Variants in SUCLA2 observed in about 807,000 individuals in gnomAD.
SUCLA2 encodes succinate--CoA ligase [ADP-forming] subunit beta, mitochondrial.
In SUCLA2, 30 loss-of-function variants were observed where a neutral mutation model predicts 54.8. That is an observed-to-expected ratio of 0.55 (90% CI 0.41 to 0.74). SUCLA2 has a LOEUF of 0.74. Among genes scored for constraint, SUCLA2 ranks in the 30% least tolerant of loss-of-function variants. The pLI is 0.00. For synonymous variants in SUCLA2, 172 were observed against 188.9 expected, an observed-to-expected ratio of 0.91 and a Z score of 0.74; for missense variants, 476 against 562.9, an observed-to-expected ratio of 0.85 and a Z score of 1.56.
intron 4 of SUCLA2, among the ~76,000 whole-genome samples, chr13:47,980,919 C>A (rs1487167008): frequency 2.0e-5 from 3 of 152,064 alleles, no homozygotes; most frequent in African/African-American, 7.2e-5. Flanking sequence ...TAGACCCTTA[C>A]CAATACTACT....
chr13:48,001,001 C>T, intron 1 of SUCLA2, 179 bp downstream of exon 1: 1 of 1,453,416 alleles, frequency 6.9e-7, no homozygotes, highest in Non-Finnish European at 9.1e-7. Context: ...GCCGCGCAAA[C>T]ATGGGCTCGC....
intron 5 of SUCLA2, among the ~76,000 whole-genome samples, chr13:47,969,736 T>G (rs1949947465): frequency 6.6e-6 from 1 of 152,316 alleles, no homozygotes; most frequent in East Asian, 1.9e-4. Context: ...TAACAAAAAA[T>G]CTTAAATTCT....
chr13:47,962,960 A>G (rs536305664), intron 6 of SUCLA2, among the ~76,000 whole-genome samples: 1 of 152,214 alleles, frequency 6.6e-6, no homozygotes, highest in African/African-American at 2.4e-5. Flanking sequence ...GACTCTTACC[A>G]CGTATTCATC....
In SUCLA2 at chr13:47,983,632, G is replaced by C. The variant is rs1306176749; in HGVS notation, c.534+4909C>G. On this transcript the variant is annotated intron_variant, in intron 4 of 10. Coordinates refer to ENST00000646932, the MANE Select transcript of SUCLA2 (RefSeq NM_003850.3). ...AGCCTCCGGAGTAGCTGGGACTACA[G>C]GCGCCTGCCGCCACGCCTGGCTAAT... Among the ~76,000 whole-genome samples, 3 of 152,160 alleles carry C rather than the reference G, an allele frequency of 2.0e-5. No homozygotes were observed. In the East Asian group the frequency reaches 5.8e-4, roughly 29 times the overall value.
At chr13:47,946,209 T>C (rs796251486) in intron 10 of SUCLA2, among the ~76,000 whole-genome samples, 6 of 152,360 alleles carry the variant, frequency 3.9e-5, no homozygotes, top group African/African-American at 1.4e-4. Flanking sequence ...GTTGTTAATC[T>C]GTTACTATGT....
intron 1 of SUCLA2, among the ~76,000 whole-genome samples, chr13:47,999,012 C>T (rs942176523): frequency 5.9e-5 from 9 of 152,030 alleles, no homozygotes; most frequent in African/African-American, 2.2e-4. Flanking sequence ...GGGCTAGGGA[C>T]ACTAAAAAAA....
intron 4 of SUCLA2, among the ~76,000 whole-genome samples, chr13:47,981,934 G>A (rs1186245560): frequency 6.6e-5 from 10 of 152,172 alleles, no homozygotes; most frequent in African/African-American, 1.4e-4. Flanking sequence ...GCAGTGAGCC[G>A]AGACTGCACT....
rs1338819138 is a variant in SUCLA2 at position 48,000,797 on chromosome 13, G to A, written c.90+383C>T. On this transcript the variant is annotated intron_variant, in intron 1 of 10. Coordinates refer to ENST00000646932, the MANE Select transcript of SUCLA2 (RefSeq NM_003850.3). The stretch of plus-strand genomic sequence containing the variant: ...AAGAAACACAAAAGTACTTTTGAAG[G>A]GCATTCCCCCCTGCCCAAAAAGGGG... 8.1e-6 allele frequency: 8 copies of A among 989,636 alleles called. No homozygotes were observed. The East Asian group carries it at 3.7e-4, about 46-fold the overall frequency. The allele number at this position is 989,636 out of a possible 1,614,324, so 61.3% of individuals were successfully genotyped here.
At chr13:48,001,100 C>A in intron 1 of SUCLA2, 80 bp downstream of exon 1, 2 of 1,536,144 alleles carry the variant, frequency 1.3e-6, no homozygotes, top group East Asian at 4.9e-5. Context: ...GAAGTGACCC[C>A]GAGCCGGGCC....
intron 9 of SUCLA2, 121 bp downstream of exon 9, chr13:47,949,362 A>G: frequency 1.7e-6 from 2 of 1,192,240 alleles, no homozygotes; most frequent in Admixed American, 3.7e-5. Flanking sequence ...TTTTAATTTC[A>G]TATTGTATAA....
chr13:47,951,122 T>C (rs1402553675), intron 8 of SUCLA2, among the ~76,000 whole-genome samples: 2 of 152,122 alleles, frequency 1.3e-5, no homozygotes, highest in South Asian at 2.1e-4. Flanking sequence ...CAAGCCACTT[T>C]CACCTGTAGT....
At chr13:47,962,525 G>A (rs12431098) in intron 6 of SUCLA2, among the ~76,000 whole-genome samples, 1 of 152,118 alleles carries the variant, frequency 6.6e-6, no homozygotes, top group African/African-American at 2.4e-5. Flanking sequence ...TATTTTGCAG[G>A]TAGATTGGTA....
intron 6 of SUCLA2, 102 bp downstream of exon 6, chr13:47,968,493 G>T: frequency 7.5e-7 from 1 of 1,325,510 alleles, no homozygotes; most frequent in Non-Finnish European, 1.1e-6. Flanking sequence ...CTTCTACATA[G>T]GTAGAAGTTT....
chr13:47,968,133 C>G lies in SUCLA2; in HGVS notation c.802+462G>C, dbSNP rs143448738. Among the ~76,000 whole-genome samples the G allele has an allele frequency of 3.8e-3, 580 of 152,290 alleles. 2 individuals are homozygous for G. The highest frequency in any genetic ancestry group is 0.013 in the African/African-American group (544 of 41,552). ...AAATTACAGCTCAATCACCACCACA[C>G]TGCATACACTAACCCAGCACTGCCC... On this transcript the variant is annotated intron_variant, in intron 6 of 10. Transcript: ENST00000646932.
At chr13:47,945,135 G>C (rs1433766055) in intron 10 of SUCLA2, among the ~76,000 whole-genome samples, 3 of 151,248 alleles carry the variant, frequency 2.0e-5, no homozygotes, top group Middle Eastern at 3.2e-3. Context: ...TGTAATCCCA[G>C]CTGCTTGGGA....
At chr13:47,988,821 A>G in intron 3 of SUCLA2, 61 bp downstream of exon 3, 2 of 1,596,070 alleles carry the variant, frequency 1.3e-6, no homozygotes, top group Admixed American at 3.3e-5. Flanking sequence ...TCATCAATTC[A>G]ATAAGTAATC....
At chr13:47,945,687 A>C (rs9526418) in intron 10 of SUCLA2, 1,344 of 15,940 alleles carry the variant, frequency 0.084, 26 homozygotes, top group East Asian at 0.21. Flanking sequence ...CACACACACA[A>C]AGTCCCCCCC....
At chr13:47,993,094 G>A (rs1262289488) in intron 2 of SUCLA2, among the ~76,000 whole-genome samples, 2 of 152,140 alleles carry the variant, frequency 1.3e-5, no homozygotes, top group African/African-American at 4.8e-5. Flanking sequence ...AGCCAGGCAT[G>A]GTGGAGCACA....
chr13:47,950,437 G>A (rs1201156999), intron 8 of SUCLA2, among the ~76,000 whole-genome samples: 1 of 152,072 alleles, frequency 6.6e-6, no homozygotes, highest in African/African-American at 2.4e-5. Flanking sequence ...GCCTCTGGGG[G>A]TACATATGCA....
Sources: gnomAD v4.1 joint callset for allele counts (sites outside exome capture counted in the v4.1 genomes callset) on GRCh38, gnomAD v4.1.1 for gene constraint, MANE v1.5 for transcripts, NCBI Gene and HGNC (gene_info 2026-07-23, HGNC 2026-07-21) for gene names.